Variants in GPHN observed in about 807,000 individuals in gnomAD.
GPHN encodes the protein gephyrin.
A neutral mutation model predicts 95.5 loss-of-function variants in GPHN; 17 were observed. That is an observed-to-expected ratio of 0.18 (90% confidence interval 0.12 to 0.27). GPHN has a LOEUF of 0.27. Among genes scored for constraint, GPHN ranks in the 10% least tolerant of loss-of-function variants. The probability of loss-of-function intolerance (pLI) is 1.00; values close to 1 mark genes in which losing one functional copy is unlikely to be tolerated. For synonymous variants in GPHN, 320 were observed against 322.5 expected (o/e 0.99, Z 0.08); for missense variants, 660 against 978.1 (o/e 0.67, Z 4.34).
chr14:66,536,765 A>G (rs971059982), intron 1 of GPHN, among the ~76,000 whole-genome samples: 2 of 152,182 alleles, frequency 1.3e-5, no homozygotes, highest in Non-Finnish European at 2.9e-5. Flanking sequence ...TTTGTCAGTA[A>G]GGTCATATTG....
chr14:67,365,314 C>T, the GPHN span, among the ~76,000 whole-genome samples: 3 of 152,138 alleles, frequency 2.0e-5, no homozygotes, highest in African/African-American at 4.8e-5. Context: ...AGTCAGAGTA[C>T]TAGTTCATTT....
At chr14:67,480,391 G>C in the GPHN span, among the ~76,000 whole-genome samples, 1 of 152,192 alleles carries the variant, frequency 6.6e-6, no homozygotes, top group African/African-American at 2.4e-5. Flanking sequence ...GACTGAAGGT[G>C]AGCCTCCAGC....
At chr14:67,544,195 C>G in the GPHN span, among the ~76,000 whole-genome samples, 9 of 152,310 alleles carry the variant, frequency 5.9e-5, 1 homozygote, top group African/African-American at 2.2e-4. Flanking sequence ...AAATCATTCA[C>G]TGGCACAGGA....
intron 18 of GPHN, among the ~76,000 whole-genome samples, chr14:67,151,503 G>A (rs1225425792): frequency 6.6e-6 from 1 of 152,148 alleles, no homozygotes; most frequent in Non-Finnish European, 1.5e-5. Context: ...TACCTTATTG[G>A]CCGTGTGCAG....
the GPHN span, among the ~76,000 whole-genome samples, chr14:67,542,919 C>G: frequency 0.5 from 75,621 of 151,720 alleles, 19,397 homozygotes; most frequent in Non-Finnish European, 0.55. Flanking sequence ...AGGCTGGTCT[C>G]GAACTCCCAA....
At chr14:67,179,136 G>C (rs116182173) in intron 21 of GPHN, among the ~76,000 whole-genome samples, 1 of 152,154 alleles carries the variant, frequency 6.6e-6, no homozygotes, top group Non-Finnish European at 1.5e-5. Flanking sequence ...TATGATTCCA[G>C]CACTCTGGGA....
chr14:67,694,310 T>C, the GPHN span, among the ~76,000 whole-genome samples: 3 of 151,898 alleles, frequency 2.0e-5, no homozygotes, highest in African/African-American at 7.3e-5. Flanking sequence ...AGTGACAACT[T>C]AGTAGGACCT....
At chr14:66,936,699 A>G (rs547443769) in intron 8 of GPHN, among the ~76,000 whole-genome samples, 25 of 152,368 alleles carry the variant, frequency 1.6e-4, no homozygotes, top group African/African-American at 5.5e-4. Flanking sequence ...TTATTAAATA[A>G]TGAGAGAACT....
chr14:67,055,723 G>C (rs1470353056), intron 10 of GPHN, among the ~76,000 whole-genome samples: 1 of 152,176 alleles, frequency 6.6e-6, no homozygotes, highest in African/African-American at 2.4e-5. Context: ...GTGAGTTCTT[G>C]GTCTCGCTGA....
chr14:66,853,924 T>C (rs1356958218), intron 4 of GPHN, among the ~76,000 whole-genome samples: 1 of 152,218 alleles, frequency 6.6e-6, no homozygotes, highest in Non-Finnish European at 1.5e-5. Context: ...AAGAGTTCTT[T>C]TTCTATTTTG....
chr14:67,719,290 CAATT>C, the GPHN span, among the ~76,000 whole-genome samples: 1 of 152,112 alleles, frequency 6.6e-6, no homozygotes, highest in Non-Finnish European at 1.5e-5. Flanking sequence ...AGTAACCTGA[CAATT>C]AATAAATACA....
chr14:67,574,572 G>T, the GPHN span, among the ~76,000 whole-genome samples: 1 of 152,224 alleles, frequency 6.6e-6, no homozygotes, highest in African/African-American at 2.4e-5. The surrounding 1 kb of genome is among the most constrained non-coding windows in gnomAD (Gnocchi z 4.2). Flanking sequence ...GCCACACAAG[G>T]TGATGGCGAG....
chr14:67,113,045 G>A lies in GPHN; in HGVS notation c.1500G>A (p.Gly500=), dbSNP rs2078468867. The change falls in exon 16 of 23, where the codon GGG becomes GGA. Residue 500 remains glycine, a synonymous_variant. Transcript: ENST00000478722. The part of the protein sequence containing the change: ...IRPIGHDIKR[G]ECVLAKGTHM... ...CCATCGGCCATGACATTAAAAGAGGGGAATGTGTTTTGGCCAAAGGAACCC... is the reference window on the plus strand; with the variant it reads ...CCATCGGCCATGACATTAAAAGAGGAGAATGTGTTTTGGCCAAAGGAACCC... 1 of 1,613,716 alleles carries A rather than the reference G, an allele frequency of 6.2e-7. No individual in the cohort carries two copies. The highest frequency in any genetic ancestry group is 1.3e-5 in the African/African-American group (1 of 74,874).
At chr14:67,442,093 G>A in the GPHN span, among the ~76,000 whole-genome samples, 9 of 152,176 alleles carry the variant, frequency 5.9e-5, no homozygotes, top group Admixed American at 4.6e-4. Context: ...AATGAATCAA[G>A]TTTGGATTCA....
At chr14:67,132,313 A>G (rs2079768284) in intron 17 of GPHN, among the ~76,000 whole-genome samples, 1 of 152,220 alleles carries the variant, frequency 6.6e-6, no homozygotes, top group African/African-American at 2.4e-5. Context: ...TTCTTAAAGT[A>G]GGAGTTTTCT....
chr14:67,206,844 C>T, the GPHN span, among the ~76,000 whole-genome samples: 1 of 151,992 alleles, frequency 6.6e-6, no homozygotes, highest in Non-Finnish European at 1.5e-5. Context: ...GATTCTTATG[C>T]CTCAGCTTTC....
At chr14:66,612,975 T>C (rs2062845724) in intron 1 of GPHN, among the ~76,000 whole-genome samples, 2 of 152,120 alleles carry the variant, frequency 1.3e-5, no homozygotes, top group Non-Finnish European at 2.9e-5. Context: ...ATTTTCAGTT[T>C]TTAGCTATTA....
the GPHN span, among the ~76,000 whole-genome samples, chr14:67,468,827 G>A: frequency 2.6e-5 from 4 of 152,172 alleles, no homozygotes; most frequent in Admixed American, 6.5e-5. Flanking sequence ...CCTGGGAGGC[G>A]GAGGTTGCAG....
At chr14:67,473,711 G>T in the GPHN span, 1 of 1,600,082 alleles carries the variant, frequency 6.2e-7, no homozygotes, top group Admixed American at 1.7e-5. This position sits in a 1 kb window ranked among gnomAD's most constrained non-coding sequence, Gnocchi z 6.5. Flanking sequence ...GGAGCAGCGG[G>T]CAGCGGCCGC....
Sources: allele counts gnomAD v4.1 joint callset (sites outside exome capture counted in the v4.1 genomes callset), GRCh38; gene constraint gnomAD v4.1.1; non-coding constraint Gnocchi (gnomAD v3.1); transcripts MANE v1.5; gene names NCBI Gene and HGNC (gene_info 2026-07-23, HGNC 2026-07-21).